Variants in KIF4A observed in about 807,000 individuals in gnomAD.
KIF4A encodes chromosome-associated kinesin KIF4A.
A neutral mutation model predicts 105.9 loss-of-function variants in KIF4A; 7 were observed. That is an observed-to-expected ratio of 0.07 (90% CI 0.04 to 0.12). The LOEUF (loss-of-function observed/expected upper bound fraction) is 0.12. Among genes scored for constraint, KIF4A ranks in the 10% least tolerant of loss-of-function variants. The probability of loss-of-function intolerance (pLI) is 1.00; values close to 1 mark genes in which losing one functional copy is unlikely to be tolerated. For synonymous variants in KIF4A, 281 were observed against 331.3 expected (o/e 0.85, Z 1.65); for missense variants, 558 against 929.2 (o/e 0.60, Z 5.19).
chrX:70,351,329 A>T (rs995554985), intron 13 of KIF4A, among the ~76,000 whole-genome samples: 1 of 111,886 alleles, frequency 8.9e-6, no homozygotes, highest in African/African-American at 3.3e-5. Context: ...CAAGTCTCCA[A>T]TGTCTGTTAT....
intron 22 of KIF4A, among the ~76,000 whole-genome samples, chrX:70,401,079 A>T (rs1213437196): frequency 3.7e-3 from 274 of 74,030 alleles, no homozygotes; most frequent in Non-Finnish European, 5.7e-3. Flanking sequence ...TAGGTTTATG[A>T]TTTTTTTTTT....
intron 15 of KIF4A, among the ~76,000 whole-genome samples, chrX:70,373,044 G>A (rs1432094276): frequency 8.9e-6 from 1 of 111,877 alleles, no homozygotes; most frequent in Non-Finnish European, 1.9e-5. Context: ...GGCCAAGGTG[G>A]GAGGATCGCT....
At chrX:70,331,342 A>G (rs920920818) in intron 9 of KIF4A, among the ~76,000 whole-genome samples, 9 of 111,373 alleles carry the variant, frequency 8.1e-5, no homozygotes, top group Non-Finnish European at 1.7e-4. Context: ...GTACAGGCTT[A>G]CCTTAGGGAT....
intron 29 of KIF4A, among the ~76,000 whole-genome samples, chrX:70,418,299 A>C (rs918429002): frequency 8.9e-6 from 1 of 111,943 alleles, no homozygotes; most frequent in African/African-American, 3.2e-5. Context: ...GAGATGACAA[A>C]GACAAGAAAG....
chrX:70,362,420 T>G (rs768499718), intron 15 of KIF4A: 2 of 164,716 alleles, frequency 1.2e-5, no homozygotes, highest in African/African-American at 6.2e-5. Context: ...TATTCCTAAC[T>G]CTACAAAGGG....
chrX:70,332,504 G>A (rs2085934654), intron 9 of KIF4A, among the ~76,000 whole-genome samples: 1 of 111,370 alleles, frequency 9.0e-6, no homozygotes, highest in South Asian at 3.9e-4. Context: ...CAACCGAGTG[G>A]CGAGCGAAAG....
At chrX:70,401,558 G>A (rs201571439) in intron 22 of KIF4A, among the ~76,000 whole-genome samples, 38 of 108,407 alleles carry the variant, frequency 3.5e-4, no homozygotes, top group African/African-American at 1.2e-3. Flanking sequence ...CCACCACCAC[G>A]CCTGGCTAAT....
chrX:70,379,519 T>C (rs757283899), intron 18 of KIF4A, among the ~76,000 whole-genome samples: 150 of 111,686 alleles, frequency 1.3e-3, no homozygotes, highest in Non-Finnish European at 1.4e-3. Flanking sequence ...GGCCAGGTGC[T>C]GTGGCTCATG....
chrX:70,382,251 A>G (rs999982085), intron 18 of KIF4A, among the ~76,000 whole-genome samples: 3 of 111,720 alleles, frequency 2.7e-5, no homozygotes, highest in African/African-American at 9.8e-5. Context: ...CAACATGGTG[A>G]AACCCCGTCT....
In KIF4A at chrX:70,420,082, T is replaced by C; in HGVS notation, c.3516T>C (p.Asp1172=). 1.7e-6 allele frequency: 2 copies of C among 1,211,241 alleles called. No homozygotes were observed. The highest frequency in any genetic ancestry group is 2.2e-6 in the Non-Finnish European group (2 of 895,237). The change falls in exon 31 of 31, where the codon GAT becomes GAC. Residue 1172 remains aspartate, a synonymous_variant. Coordinates refer to ENST00000374403, the MANE Select transcript of KIF4A (RefSeq NM_012310.5). ...CCTAGATCCTGAAAGAGATGTGCGA[T>C]GTGGAGCAGGTGCTGTCAAAGAAGA... is the stretch of plus-strand genomic sequence containing the variant. The part of the protein sequence containing the change: ...PNSKILKEMC[D]VEQVLSKKTP...
Position 70,387,221 on chromosome X carries a change from A to G in KIF4A, c.2156A>G (p.Gln719Arg), listed in dbSNP as rs1231023656. 1.7e-6 allele frequency: 2 copies of G among 1,187,732 alleles called. No individual in the cohort carries two copies. The highest frequency in any genetic ancestry group is 2.3e-6 in the Non-Finnish European group (2 of 883,909). ...AACAAGCGTCTCAAGGATGCTCTCC[A>G]GAAACAACGGGAGGTTGCAGATAAG... is the stretch of plus-strand genomic sequence containing the variant. ...AANKRLKDAL[Q>R]KQREVADKRK... The change falls in exon 20 of 31, where the codon CAG (glutamine) becomes CGG (arginine). Residue 719 changes from glutamine to arginine, a missense_variant. Physicochemically the swap from Gln to Arg is conservative, Grantham distance 43 (BLOSUM62 1). Around this residue, in one of 2 missense-constraint regions of KIF4A, gnomAD observed 469 missense variants for 680.4 expected, o/e 0.69. Transcript: ENST00000374403.
intron 22 of KIF4A, among the ~76,000 whole-genome samples, chrX:70,401,208 T>C (rs1322919595): frequency 1.9e-5 from 2 of 105,643 alleles, no homozygotes; most frequent in African/African-American, 7.0e-5. Flanking sequence ...GCCTCCCAAG[T>C]AGCTGGAATT....
At chrX:70,406,118 G>A in intron 26 of KIF4A, 141 bp from the exon 27 acceptor site, 1 of 526,361 alleles carries the variant, frequency 1.9e-6, no homozygotes, top group Non-Finnish European at 3.2e-6. Flanking sequence ...TGGAAAGTGG[G>A]AGTCAACGTA....
At chrX:70,389,432 G>A (rs1010682142) in intron 20 of KIF4A, among the ~76,000 whole-genome samples, 1 of 111,984 alleles carries the variant, frequency 8.9e-6, no homozygotes, top group African/African-American at 3.3e-5. Context: ...GTTGTGCACG[G>A]TGGTGTGCGC....
intron 5 of KIF4A, 60 bp downstream of exon 5, chrX:70,299,262 C>T (rs2085795631): frequency 7.4e-6 from 7 of 949,271 alleles, no homozygotes; most frequent in African/African-American, 1.9e-5. Context: ...TACTAAAGTT[C>T]ACATCCCTTT....
chrX:70,348,040 A>G (rs777097354), intron 13 of KIF4A, among the ~76,000 whole-genome samples: 14 of 106,454 alleles, frequency 1.3e-4, no homozygotes, highest in African/African-American at 4.4e-4. Context: ...ACAAATCATC[A>G]TGAGAAAGGA....
intron 7 of KIF4A, among the ~76,000 whole-genome samples, chrX:70,313,307 C>G (rs1199816737): frequency 8.9e-6 from 1 of 111,998 alleles, no homozygotes; most frequent in Non-Finnish European, 1.9e-5. Context: ...GGTATGTTTT[C>G]CATCCCTATC....
intron 20 of KIF4A, among the ~76,000 whole-genome samples, chrX:70,392,222 G>T (rs1395960945): frequency 3.6e-5 from 4 of 111,098 alleles, no homozygotes; most frequent in African/African-American, 1.3e-4. Context: ...GGAAGATTTT[G>T]TGCAGAATTA....
At chrX:70,404,128 C>G in intron 24 of KIF4A, 94 bp downstream of exon 24, 2 of 1,006,009 alleles carry the variant, frequency 2.0e-6, no homozygotes, top group Admixed American at 5.4e-5. Flanking sequence ...AAATTTCTTT[C>G]AAAAGTCCAC....
Sources: gnomAD v4.1 joint callset for allele counts (sites outside exome capture counted in the v4.1 genomes callset) on GRCh38, gnomAD v4.1.1 for gene constraint, gnomAD v4.1.1 regional missense constraint, MANE v1.5 for transcripts, NCBI Gene and HGNC (gene_info 2026-07-23, HGNC 2026-07-21) for gene names.